The following CSMD1 variants were observed in gnomAD, a reference collection of about 807,000 sequenced individuals.
CSMD1 encodes CUB and sushi domain-containing protein 1.
Under a neutral mutation model 417.5 loss-of-function variants are expected in CSMD1, and 213 were observed. The ratio of observed to expected loss-of-function variants is 0.51; its 90% CI spans 0.46 to 0.57. The LOEUF (loss-of-function observed/expected upper bound fraction) is 0.57, where lower values mean the gene tolerates loss of function less well. Ranked by LOEUF, CSMD1 falls within the 20% of genes least tolerant of loss-of-function variation. The probability of loss-of-function intolerance (pLI) is 0.00; values close to 1 mark genes in which losing one functional copy is unlikely to be tolerated. For missense variants in CSMD1, 6,923 were observed against 4,529.7 expected (o/e 1.53, Z -15.17); for synonymous variants, 2,862 against 1,736.8 (o/e 1.65, Z -16.11).
chr8:3,682,750 T>G (rs151245159), intron 7 of CSMD1, among the ~76,000 whole-genome samples: 2,382 of 152,334 alleles, frequency 0.016, 56 homozygotes, highest in African/African-American at 0.054. Context: ...CACGTATGTT[T>G]ATTGCGGCAC....
chr8:4,652,233 T>C lies in CSMD1; in HGVS notation c.86-14675A>G, dbSNP rs568792300. ...GAACCATAAAAATCAAAGGATGGGA[T>C]TGGGGAAAATGATGTCAGAATAGAA... On this transcript the variant is annotated intron_variant, in intron 1 of 69. Transcript: ENST00000635120. Among the ~76,000 whole-genome samples, 27 of 152,144 alleles carry C rather than the reference T, an allele frequency of 1.8e-4. No homozygotes were observed. In the South Asian group the frequency reaches 5.4e-3, roughly 30 times the overall value.
In CSMD1 at chr8:4,118,022, T is replaced by C. The variant is rs1032456755; in HGVS notation, c.416-85923A>G. ...GAAATGACATAGGTAAAAAAAAGTT[T>C]TTCTCAAGCCTCTTAGTCATCAGGG... On this transcript the variant is annotated intron_variant, in intron 3 of 69. Coordinates refer to ENST00000635120, the MANE Select transcript of CSMD1 (RefSeq NM_033225.6). Among the ~76,000 whole-genome samples, 3 of 151,616 alleles carry C rather than the reference T, an allele frequency of 2.0e-5. No individual in the cohort carries two copies. In the East Asian group the frequency reaches 5.8e-4, roughly 29 times the overall value.
At chr8:4,136,831 G>A (rs1168386844) in intron 3 of CSMD1, among the ~76,000 whole-genome samples, 1 of 152,144 alleles carries the variant, frequency 6.6e-6, no homozygotes, top group African/African-American at 2.4e-5. Context: ...ACATCCAAAT[G>A]TTTGACAAAC....
rs1816224415 is a variant in CSMD1 at position 3,107,485 on chromosome 8, A to G, written c.6835+233T>C. On this transcript the variant is annotated intron_variant, in intron 45 of 69. Transcript: ENST00000635120. The stretch of plus-strand genomic sequence containing the variant: ...AATGTTCAAACTGACATCAAAATTC[A>G]AATGGCAAAACAAAAAAAAATCATG... 2.0e-5 allele frequency among the ~76,000 whole-genome samples: 3 copies of G among 152,194 alleles called. No homozygotes were observed. The South Asian group carries it at 6.2e-4, about 32-fold the overall frequency.
intron 41 of CSMD1, among the ~76,000 whole-genome samples, chr8:3,136,132 G>A (rs1260704740): frequency 1.3e-5 from 2 of 152,086 alleles, no homozygotes; most frequent in African/African-American, 4.8e-5. Context: ...ACTAATTGAT[G>A]GCTCATCTAT....
At chr8:3,037,508 C>T (rs1333553531) in intron 50 of CSMD1, among the ~76,000 whole-genome samples, 1 of 152,104 alleles carries the variant, frequency 6.6e-6, no homozygotes. Flanking sequence ...TTGATGGGCA[C>T]TGTGTGGATT....
At position 4,434,845 on chromosome 8, in the gene CSMD1, C is replaced by G. The variant is rs192174677; in HGVS notation, c.303-14780G>C. Among the ~76,000 whole-genome samples the G allele has an allele frequency of 3.3e-3, 503 of 152,312 alleles. 1 individual carries two copies. The highest frequency in any genetic ancestry group is 0.01 in the Middle Eastern group (3 of 294). ...GGGCTCAACCATCCATAGCTGTCTC[C>G]TGGGCAACCGCAAGAACAAACTACA... On this transcript the variant is annotated intron_variant, in intron 2 of 69. Transcript: ENST00000635120.
At chr8:4,761,835 GCATC>G (rs749671252) in intron 1 of CSMD1, among the ~76,000 whole-genome samples, 11 of 121,644 alleles carry the variant, frequency 9.0e-5, no homozygotes, top group African/African-American at 2.4e-4. Flanking sequence ...ATAGTACCAT[GCATC>G]TATCTATCTA....
chr8:3,418,982 C>G (rs140156117), intron 12 of CSMD1, among the ~76,000 whole-genome samples: 84 of 152,184 alleles, frequency 5.5e-4, no homozygotes, highest in African/African-American at 1.9e-3. Context: ...AAATTTAGTC[C>G]TGAAAAATCA....
chr8:3,738,595 C>T (rs1386324981), intron 6 of CSMD1, among the ~76,000 whole-genome samples: 1 of 152,168 alleles, frequency 6.6e-6, no homozygotes, highest in African/African-American at 2.4e-5. Context: ...GGATGGCAAA[C>T]ATCCTCAGGT....
chr8:3,647,308 G>C (rs757892755), intron 7 of CSMD1, among the ~76,000 whole-genome samples: 2 of 152,172 alleles, frequency 1.3e-5, no homozygotes, highest in African/African-American at 4.8e-5. Flanking sequence ...TGTGAGCCTG[G>C]GTTGTATCCT....
intron 3 of CSMD1, among the ~76,000 whole-genome samples, chr8:4,240,058 T>C (rs778707337): frequency 6.6e-6 from 1 of 152,222 alleles, no homozygotes; most frequent in Non-Finnish European, 1.5e-5. Flanking sequence ...CATGCATTTT[T>C]ATTACTCAAT....
chr8:3,762,538 T>G (rs989642866), intron 5 of CSMD1, among the ~76,000 whole-genome samples: 1 of 152,168 alleles, frequency 6.6e-6, no homozygotes, highest in Non-Finnish European at 1.5e-5. Flanking sequence ...ACTCAGCGAG[T>G]CTGTAGCACA....
chr8:4,063,130 G>C (rs28405740), intron 3 of CSMD1, among the ~76,000 whole-genome samples: 36,404 of 152,004 alleles, frequency 0.24, 4,962 homozygotes, highest in South Asian at 0.3. Flanking sequence ...AATTTATTGT[G>C]TATTTCAAAA....
intron 55 of CSMD1, among the ~76,000 whole-genome samples, chr8:2,975,544 T>A (rs544382617): frequency 5.9e-4 from 90 of 152,266 alleles, no homozygotes; most frequent in African/African-American, 2.1e-3. Context: ...CTGAGTCATA[T>A]CAGCCGTCAC....
intron 3 of CSMD1, among the ~76,000 whole-genome samples, chr8:4,257,132 A>AT (rs1351507928): frequency 6.6e-6 from 1 of 152,156 alleles, no homozygotes; most frequent in Admixed American, 6.5e-5. Flanking sequence ...TACTCACCAC[A>AT]TTTGTTACCT....
chr8:3,371,856 G>C (rs886760385), intron 18 of CSMD1, among the ~76,000 whole-genome samples: 13 of 152,148 alleles, frequency 8.5e-5, no homozygotes, highest in Non-Finnish European at 1.8e-4. Flanking sequence ...AGATTGCAGT[G>C]ACTCCACATT....
intron 3 of CSMD1, among the ~76,000 whole-genome samples, chr8:4,316,084 T>C (rs962607989): frequency 6.6e-6 from 1 of 151,874 alleles, no homozygotes; most frequent in Non-Finnish European, 1.5e-5. Flanking sequence ...ATAAAATGGG[T>C]TATTAAAAGC....
intron 21 of CSMD1, among the ~76,000 whole-genome samples, chr8:3,348,505 C>T (rs752483220): frequency 2.6e-4 from 40 of 152,136 alleles, no homozygotes; most frequent in Non-Finnish European, 4.1e-4. Context: ...CCTCTCCCAC[C>T]CACCTCATTC....
Sources: gnomAD v4.1 joint callset for allele counts (sites outside exome capture counted in the v4.1 genomes callset) on GRCh38, gnomAD v4.1.1 for gene constraint, MANE v1.5 for transcripts, NCBI Gene and HGNC (gene_info 2026-07-23, HGNC 2026-07-21) for gene names.